Variants in GZF1 observed in about 807,000 individuals in gnomAD.
The protein encoded by GZF1 is GDNF inducible zinc finger protein 1.
In GZF1, 28 loss-of-function variants were observed where a neutral mutation model predicts 49.4. The observed-to-expected ratio is 0.57, with a 90% CI of 0.42 to 0.78. The LOEUF (loss-of-function observed/expected upper bound fraction) is 0.78. Ranked by LOEUF, GZF1 falls within the 30% of genes least tolerant of loss-of-function variation. GZF1 has a pLI of 0.00. For synonymous variants in GZF1, 364 were observed against 356.0 expected, an observed-to-expected ratio of 1.02 and a Z score of -0.25; for missense variants, 798 against 916.2, an observed-to-expected ratio of 0.87 and a Z score of 1.67.
At chr20:23,361,430 G>A (rs1980644249), upstream of GZF1, among the ~76,000 whole-genome samples, 1 of 152,238 alleles carries the variant, frequency 6.6e-6, no homozygotes, top group African/African-American at 2.4e-5. Flanking sequence ...AAGAGTGGAT[G>A]GGTCTCTGGG....
In GZF1 at chr20:23,368,946, C is replaced by T. The variant is rs372778570; in HGVS notation, c.1627+17C>T. 2.6e-5 allele frequency: 41 copies of T among 1,581,280 alleles called. No individual in the cohort carries two copies. Among genetic ancestry groups the T allele is most frequent in the Non-Finnish European group, 2.9e-5 (34 of 1,163,992 alleles). On this transcript the variant is annotated intron_variant, in intron 4 of 5. Coordinates refer to ENST00000338121, the MANE Select transcript of GZF1 (RefSeq NM_022482.5). ...TCCACACAGGTATGGTTGGAATGTC[C>T]CAGGGAAGGGAGTTTAGTTTGGCCA...
rs1981117297 is a variant in GZF1 at position 23,364,866 on chromosome 20, T to C, written c.483T>C (p.Pro161=). The C allele has an allele frequency of 2.5e-6, 4 of 1,614,102 alleles. No homozygotes were observed. The highest frequency in any genetic ancestry group is 3.4e-6 in the Non-Finnish European group (4 of 1,180,054). ...VSSGSQVSAA[P]APRASVATDG... ...GTGGCTCCCAAGTTAGTGCTGCTCC[T>C]GCCCCCAGGGCAAGTGTGGCCACCG... The change falls in exon 2 of 6, where the codon CCT becomes CCC. Residue 161 remains proline, a synonymous_variant. Transcript: ENST00000338121.
rs1028011047 is a variant in GZF1, at chr20:23,371,024, C to A, written c.*583C>A. 15 of 151,536 alleles carry A rather than the reference C, an allele frequency of 9.9e-5. No homozygotes were observed. Among genetic ancestry groups the A allele is most frequent in the African/African-American group, 3.8e-4 (15 of 39,658 alleles). The allele number at this position is 151,536 out of a possible 1,614,324, so 9.4% of individuals were successfully genotyped here. ...TTGTTGCATTCATTCCTCCCCACCCCCCATTTGTAGGCAGTAAACAAAGTA... is the reference window on the plus strand; with the variant it reads ...TTGTTGCATTCATTCCTCCCCACCCACCATTTGTAGGCAGTAAACAAAGTA... On this transcript the variant is annotated 3_prime_UTR_variant, in exon 6 of 6. Coordinates refer to ENST00000338121, the MANE Select transcript of GZF1 (RefSeq NM_022482.5).
In GZF1 at chr20:23,364,986, C is replaced by A. The variant is rs199655386; in HGVS notation, c.603C>A (p.Ser201=). The A allele has an allele frequency of 2.5e-6, 4 of 1,614,198 alleles. No homozygotes were observed. The highest frequency in any genetic ancestry group is 1.1e-5 in the South Asian group (1 of 91,082). Reference sequence around the variant, plus strand: ...CTTCAGATTTGCCACCGAAGAAGTCCAAGGACAAACTAGACAAGAAGAAAG... The same window carrying A: ...CTTCAGATTTGCCACCGAAGAAGTCAAAGGACAAACTAGACAAGAAGAAAG... ...GMSSDLPPKK[S]KDKLDKKKEV... is the part of the protein sequence containing the mutation. The change falls in exon 2 of 6, where the codon TCC becomes TCA. Residue 201 remains serine, a synonymous_variant. Coordinates refer to ENST00000338121, the MANE Select transcript of GZF1 (RefSeq NM_022482.5).
upstream of GZF1, among the ~76,000 whole-genome samples, chr20:23,361,460 A>C (rs1314872434): frequency 1.3e-5 from 2 of 152,230 alleles, no homozygotes; most frequent in Non-Finnish European, 2.9e-5. Context: ...TAGTGAACAA[A>C]GCTTTCGCCC....
In GZF1 at chr20:23,365,301, G is replaced by GGAC. The variant is rs753395500; in HGVS notation, c.921_923dup (p.Asp307dup). ...AGGAGGAAGAGGAGGAGGAGGAGGA[G>GGAC]GACGAAGAAGGGGAGAAGAAGAAGA... On this transcript the variant is annotated inframe_insertion, in exon 2 of 6. Transcript: ENST00000338121. The GGAC allele has an allele frequency of 6.2e-7, 1 of 1,605,168 alleles. No homozygotes were observed. Among genetic ancestry groups the GGAC allele is most frequent in the Non-Finnish European group, 8.5e-7 (1 of 1,174,580 alleles).
At position 23,370,378 on chromosome 20, in the gene GZF1, C is replaced by T. The variant is rs201048437; in HGVS notation, c.2073C>T (p.Ser691=). Residue 691 remains serine, a synonymous_variant, in exon 6 of 6, where the codon AGC becomes AGT. Coordinates refer to ENST00000338121, the MANE Select transcript of GZF1 (RefSeq NM_022482.5). ...TGGCCACCACCATCAGTGAGCTTAG[C>T]GAGCTGACCCCACAGACAGACTCGA... The part of the protein sequence containing the change: ...TLLATTISEL[S]ELTPQTDSMP... 8.7e-6 allele frequency: 14 copies of T among 1,613,972 alleles called. No individual in the cohort carries two copies. The highest frequency in any genetic ancestry group is 1.6e-4 in the Middle Eastern group (1 of 6,062).
chr20:23,367,897 C>G (rs991491818), intron 3 of GZF1, among the ~76,000 whole-genome samples: 2 of 152,210 alleles, frequency 1.3e-5, no homozygotes, highest in African/African-American at 4.8e-5. Context: ...TTTATTCTTA[C>G]CTGTAAACAC....
In GZF1 at chr20:23,365,441, G is replaced by T; in HGVS notation, c.1058G>T (p.Cys353Phe). 1 of 1,613,750 alleles carries T rather than the reference G, an allele frequency of 6.2e-7. No individual in the cohort carries two copies. The highest frequency in any genetic ancestry group is 8.5e-7 in the Non-Finnish European group (1 of 1,180,036). ...GAGGTGGTGTACCGCTGCGACACCT[G>T]CGGCCAGACCTTCGCCAACCGCTGC... The part of the protein sequence containing the change: ...ATEVVYRCDT[C>F]GQTFANRCNL... Residue 353 changes from cysteine (C) to phenylalanine (F), a missense_variant, in exon 2 of 6, where the codon TGC becomes TTC. Coordinates refer to ENST00000338121, the MANE Select transcript of GZF1 (RefSeq NM_022482.5).
At chr20:23,365,960 G>T (rs746010796) in intron 2 of GZF1, among the ~76,000 whole-genome samples, 7 of 152,274 alleles carry the variant, frequency 4.6e-5, no homozygotes, top group Non-Finnish European at 1.0e-4. Context: ...GCCCCTGCTG[G>T]CCGGGACGTC....
In GZF1 at chr20:23,370,183, C is replaced by A; in HGVS notation, c.1878C>A (p.Asp626Glu). The A allele has an allele frequency of 6.2e-7, 1 of 1,614,182 alleles. No homozygotes were observed. Among genetic ancestry groups the A allele is most frequent in the Non-Finnish European group, 8.5e-7 (1 of 1,180,026 alleles). Residue 626 changes from aspartate (D) to glutamate (E), a missense_variant, in exon 6 of 6, where the codon GAC (aspartate) becomes GAA (glutamate). By Grantham distance (45) the Asp-to-Glu change is conservative. Around this residue, in one of 3 missense-constraint regions of GZF1, gnomAD observed 446 missense variants for 540.1 expected, o/e 0.83. Transcript: ENST00000338121. ...ACGGACACAAGACTGAACAGCCTGA[C>A]GAAGAGTATGTGTCATCCAAGCTTT... ...NDDGHKTEQPDEEYVSSKLSD... is the reference protein window; with the variant it reads ...NDDGHKTEQPEEEYVSSKLSD...
chr20:23,368,715 T>G (rs752300636), intron 3 of GZF1, 47 bp from the exon 4 acceptor site: 1 of 1,497,774 alleles, frequency 6.7e-7, no homozygotes, highest in Non-Finnish European at 9.0e-7. Flanking sequence ...TTCCATGTGT[T>G]TTTAATGCCT....
chr20:23,367,764 A>T (rs1981570489), intron 3 of GZF1, among the ~76,000 whole-genome samples: 1 of 152,212 alleles, frequency 6.6e-6, no homozygotes, highest in Non-Finnish European at 1.5e-5. Context: ...GACAGATAAA[A>T]CTTAAGTTGG....
At position 23,371,338 on chromosome 20, in the gene GZF1, C is replaced by T. The variant is rs1441495966; in HGVS notation, c.*897C>T. On this transcript the variant is annotated 3_prime_UTR_variant, in exon 6 of 6. Coordinates refer to ENST00000338121, the MANE Select transcript of GZF1 (RefSeq NM_022482.5). ...AATTATAGAACACAGAGTATTATTA[C>T]TTTTGCCAGGTTTTTCTGACTTGAT... is the stretch of plus-strand genomic sequence containing the variant. 1 of 152,514 alleles carries T rather than the reference C, an allele frequency of 6.6e-6. No homozygotes were observed. The highest frequency in any genetic ancestry group is 1.9e-4 in the East Asian group (1 of 5,192). The allele number at this position is 152,514 out of a possible 1,614,324, so 9.4% of individuals were successfully genotyped here.
chr20:23,361,620 T>C (rs551243960), upstream of GZF1, among the ~76,000 whole-genome samples: 81 of 151,848 alleles, frequency 5.3e-4, no homozygotes, highest in Non-Finnish European at 9.3e-4. Flanking sequence ...CTGGCGCCAG[T>C]TCTCCAGCGC....
At chr20:23,362,659 A>T (rs1267341030) in intron 1 of GZF1, 1 of 151,970 alleles carries the variant, frequency 6.6e-6, no homozygotes, top group East Asian at 1.9e-4. Flanking sequence ...AGCCTCGGGG[A>T]TTCAGGGGCC....
At chr20:23,361,911 T>A (rs756630038), upstream of GZF1, among the ~76,000 whole-genome samples, 1 of 152,204 alleles carries the variant, frequency 6.6e-6, no homozygotes, top group South Asian at 2.1e-4. Context: ...CCCTGTGGCG[T>A]GCCGCAGCGC....
rs747984225 is a variant in GZF1, at chr20:23,370,245, T to C, written c.1940T>C (p.Phe647Ser). 33 of 1,614,160 alleles carry C rather than the reference T, an allele frequency of 2.0e-5. No individual in the cohort carries two copies. The highest frequency in any genetic ancestry group is 2.8e-5 in the Non-Finnish European group (33 of 1,180,038). The change falls in exon 6 of 6, where the codon TTC becomes TCC. Residue 647 changes from phenylalanine (F) to serine (S), a missense_variant. Phe to Ser is a radical substitution (Grantham distance 155, BLOSUM62 -2). Coordinates refer to ENST00000338121, the MANE Select transcript of GZF1 (RefSeq NM_022482.5). Reference sequence around the variant, plus strand: ...CTGTCTTTTGCAGAAAATGGCCATTTCCACAACCTGGCTGCAGTCCAAGAC... The same window carrying C: ...CTGTCTTTTGCAGAAAATGGCCATTCCCACAACCTGGCTGCAGTCCAAGAC... The part of the protein sequence containing the change: ...KLLSFAENGH[F>S]HNLAAVQDTV...
In GZF1 at chr20:23,372,459, G is replaced by C. The variant is rs959573033; in HGVS notation, c.*2018G>C. 8 of 152,216 alleles carry C rather than the reference G, an allele frequency of 5.3e-5. No homozygotes were observed. The highest frequency in any genetic ancestry group is 1.9e-4 in the African/African-American group (8 of 41,450). The allele number at this position is 152,216 out of a possible 1,614,324, so 9.4% of individuals were successfully genotyped here. A position where few individuals can be genotyped will look rare whatever the true frequency, so the allele number is the denominator to read the frequency against. On this transcript the variant is annotated 3_prime_UTR_variant, in exon 6 of 6. Coordinates refer to ENST00000338121, the MANE Select transcript of GZF1 (RefSeq NM_022482.5). The stretch of plus-strand genomic sequence containing the variant: ...GTCTCTGGCAGTGGGATCCTGGAGA[G>C]GAGAAATCCTGGCCTCTGCTCATGC...
Sources: gnomAD v4.1 joint callset for allele counts (sites outside exome capture counted in the v4.1 genomes callset) on GRCh38, gnomAD v4.1.1 for gene constraint, gnomAD v4.1.1 regional missense constraint, MANE v1.5 for transcripts, NCBI Gene and HGNC (gene_info 2026-07-23, HGNC 2026-07-21) for gene names.